The following ANKRD30BL variants were observed in gnomAD, a reference collection of about 807,000 sequenced individuals.
The protein encoded by ANKRD30BL is putative ankyrin repeat domain-containing protein 30B-like.
ANKRD30BL carries 20 observed loss-of-function variants against 18.4 expected under a neutral mutation model. The ratio of observed to expected loss-of-function variants is 1.09; its 90% confidence interval spans 0.77 to 1.58. The LOEUF (loss-of-function observed/expected upper bound fraction) is 1.58. Ranked by LOEUF, ANKRD30BL falls within the 40% of genes most tolerant of loss-of-function variation. ANKRD30BL has a pLI of 0.00. For synonymous variants in ANKRD30BL, 72 were observed against 100.9 expected (o/e 0.71, Z 1.72); for missense variants, 224 against 268.6 (o/e 0.83, Z 1.16).
intron 1 of ANKRD30BL, among the ~76,000 whole-genome samples, chr2:132,169,403 C>T (rs1688238395): frequency 6.6e-6 from 1 of 151,480 alleles, no homozygotes; most frequent in South Asian, 2.1e-4. Context: ...AATCCCAGCA[C>T]TTTGGGAGGC....
chr2:132,224,754 G>C lies in ANKRD30BL; in HGVS notation n.441+32775C>G, dbSNP rs534136012. 2.0e-5 allele frequency among the ~76,000 whole-genome samples: 3 copies of C among 151,932 alleles called. No homozygotes were observed. The South Asian group carries it at 6.2e-4, about 31-fold the overall frequency. Reference sequence around the variant, plus strand: ...AGATCACTTTTGATACACTCCTTTAGTAGAATCTGAAGGGGATATTTTGAC... The same window carrying C: ...AGATCACTTTTGATACACTCCTTTACTAGAATCTGAAGGGGATATTTTGAC... On this transcript the variant is annotated intron_variant and non_coding_transcript_variant, in intron 1 of 4. Coordinates refer to the ANKRD30BL transcript ENST00000470729.
intron 1 of ANKRD30BL, among the ~76,000 whole-genome samples, chr2:132,246,049 G>A (rs796412503): frequency 1.3e-5 from 2 of 151,650 alleles, no homozygotes; most frequent in African/African-American, 4.8e-5. Flanking sequence ...TGATACAGCA[G>A]TTTTGAAACA....
intron 1 of ANKRD30BL, among the ~76,000 whole-genome samples, chr2:132,238,305 C>T (rs201838117): frequency 6.6e-6 from 1 of 151,780 alleles, no homozygotes; most frequent in Non-Finnish European, 1.5e-5. Flanking sequence ...AATGTCTTCA[C>T]ATAAAATTGA....
At position 132,208,734 on chromosome 2, in the gene ANKRD30BL, C is replaced by T. The variant is rs535142104; in HGVS notation, n.441+48795G>A. ...TACATCTGGATTTTAAATGTGTGCC[C>T]TCAGATAGGATTCCAGTACACAGTG... is the stretch of plus-strand genomic sequence containing the variant. On this transcript the variant is annotated intron_variant and non_coding_transcript_variant, in intron 1 of 4. Coordinates refer to the ANKRD30BL transcript ENST00000470729. 2.6e-5 allele frequency among the ~76,000 whole-genome samples: 4 copies of T among 151,588 alleles called. No homozygotes were observed. The East Asian group carries it at 7.7e-4, about 29-fold the overall frequency.
chr2:132,191,096 C>T (rs1210408106), intron 1 of ANKRD30BL, among the ~76,000 whole-genome samples: 1 of 152,172 alleles, frequency 6.6e-6, no homozygotes, highest in East Asian at 1.9e-4. Flanking sequence ...TTTTGTACTC[C>T]TTACAAAAAC....
intron 1 of ANKRD30BL, among the ~76,000 whole-genome samples, chr2:132,198,268 T>TTTCTTTC (rs1428022123): frequency 2.0e-4 from 22 of 109,800 alleles, no homozygotes; most frequent in African/African-American, 8.9e-4. Context: ...TCTTTCTTTC[T>TTTCTTTC]TTTCTTTCTT....
intron 1 of ANKRD30BL, among the ~76,000 whole-genome samples, chr2:132,160,980 T>A (rs1688041179): frequency 6.8e-6 from 1 of 147,848 alleles, no homozygotes; most frequent in African/African-American, 2.5e-5. Context: ...CCTTCTAAGG[T>A]CCCTCAGCAA....
chr2:132,189,524 A>G (rs1678802013), intron 1 of ANKRD30BL, among the ~76,000 whole-genome samples: 1 of 150,824 alleles, frequency 6.6e-6, no homozygotes, highest in African/African-American at 2.5e-5. Context: ...AGTTTTTGGA[A>G]TGATGTCTGA....
chr2:132,207,133 TAATA>T (rs1340299692), intron 1 of ANKRD30BL, among the ~76,000 whole-genome samples: 2 of 152,020 alleles, frequency 1.3e-5, no homozygotes, highest in Non-Finnish European at 2.9e-5. Flanking sequence ...GCTAGAACTC[TAATA>T]TATATATTTT....
At position 132,256,243 on chromosome 2, in the gene ANKRD30BL, G is replaced by C. The variant is rs80141722; in HGVS notation, n.441+1286C>G. 3.8e-4 allele frequency among the ~76,000 whole-genome samples: 57 copies of C among 151,778 alleles called. No homozygotes were observed. The East Asian group carries it at 0.01, about 28-fold the overall frequency. On this transcript the variant is annotated intron_variant and non_coding_transcript_variant, in intron 1 of 4. Transcript: ENST00000470729. Reference sequence around the variant, plus strand: ...TCGCGAGGATGAGCCCGGCGTCCCAGTTGCGAGATTGGGCGCGGCAGGGCG... The same window carrying C: ...TCGCGAGGATGAGCCCGGCGTCCCACTTGCGAGATTGGGCGCGGCAGGGCG...
intron 5 of ANKRD30BL, among the ~76,000 whole-genome samples, chr2:132,148,702 C>T (rs1455539355): frequency 2.0e-5 from 3 of 151,872 alleles, no homozygotes; most frequent in African/African-American, 7.3e-5. Flanking sequence ...TAATTCTTCA[C>T]GTTGGATATA....
intron 1 of ANKRD30BL, among the ~76,000 whole-genome samples, chr2:132,245,873 A>G (rs1215904902): frequency 1.3e-5 from 2 of 151,424 alleles, no homozygotes; most frequent in African/African-American, 2.4e-5. Context: ...TCTCTTTTAT[A>G]GAGCAATTGG....
At chr2:132,210,346 C>G (rs1297028165) in intron 1 of ANKRD30BL, among the ~76,000 whole-genome samples, 1 of 151,258 alleles carries the variant, frequency 6.6e-6, no homozygotes, top group Non-Finnish European at 1.5e-5. Flanking sequence ...CGCTTTGCGG[C>G]CAATGGTGGT....
At chr2:132,234,156 A>G (rs560579238) in intron 1 of ANKRD30BL, among the ~76,000 whole-genome samples, 1 of 152,302 alleles carries the variant, frequency 6.6e-6, no homozygotes, top group African/African-American at 2.4e-5. Flanking sequence ...AAGACACAAC[A>G]TACCAGAATC....
intron 1 of ANKRD30BL, among the ~76,000 whole-genome samples, chr2:132,213,301 T>C (rs927427396): frequency 3.3e-5 from 5 of 151,714 alleles, no homozygotes; most frequent in Non-Finnish European, 5.9e-5. Context: ...GGAAAAGGAA[T>C]TATCTTCACA....
chr2:132,167,905 T>A (rs1281806421), intron 1 of ANKRD30BL, among the ~76,000 whole-genome samples: 1 of 152,244 alleles, frequency 6.6e-6, no homozygotes, highest in African/African-American at 2.4e-5. Flanking sequence ...GTTCATTTCA[T>A]CTGTCCACAT....
chr2:132,185,505 A>C (rs746844228), intron 1 of ANKRD30BL, among the ~76,000 whole-genome samples: 39 of 152,232 alleles, frequency 2.6e-4, no homozygotes, highest in Non-Finnish European at 4.8e-4. Flanking sequence ...CAAGTATGAG[A>C]AAAATAGAAC....
upstream of ANKRD30BL, among the ~76,000 whole-genome samples, chr2:132,164,275 T>C (rs35909955): frequency 8.8e-3 from 804 of 91,066 alleles, 6 homozygotes; most frequent in Middle Eastern, 0.02. Context: ...TTTTCTTTTT[T>C]TTTTTTTTTT....
At chr2:132,213,922 T>G (rs987036684) in intron 1 of ANKRD30BL, among the ~76,000 whole-genome samples, 38 of 152,148 alleles carry the variant, frequency 2.5e-4, no homozygotes, top group African/African-American at 7.2e-4. Flanking sequence ...TGAAACACTC[T>G]TTTTGTAGAA....
Sources: allele counts gnomAD v4.1 joint callset (sites outside exome capture counted in the v4.1 genomes callset), GRCh38; gene constraint gnomAD v4.1.1; transcripts MANE v1.5; gene names NCBI Gene and HGNC (gene_info 2026-07-23, HGNC 2026-07-21).